ZNF503: variants seen among roughly 807,000 people sequenced by gnomAD.
ZNF503 encodes the protein NocA-like zinc finger 2.
ZNF503 carries 15 observed loss-of-function variants against 34.4 expected under a neutral mutation model. The ratio of observed to expected loss-of-function variants is 0.44; its 90% CI spans 0.29 to 0.67. ZNF503 has a LOEUF of 0.67. ZNF503 is among the 30% of genes least tolerant of loss of function. The pLI, the probability that ZNF503 is intolerant of heterozygous loss-of-function variation, is 0.13. For synonymous variants in ZNF503, 580 were observed against 456.8 expected (o/e 1.27, Z -3.44); for missense variants, 1,007 against 926.8 (o/e 1.09, Z -1.12).
At chr10:75,345,827 G>A in the ZNF503 span, among the ~76,000 whole-genome samples, 7 of 152,196 alleles carry the variant, frequency 4.6e-5, no homozygotes, top group African/African-American at 9.6e-5. Flanking sequence ...CAGGCATTCC[G>A]TGCTGTGGGA....
chr10:75,371,519 C>A, the ZNF503 span, among the ~76,000 whole-genome samples: 2 of 152,176 alleles, frequency 1.3e-5, no homozygotes, highest in African/African-American at 4.8e-5. Flanking sequence ...ATACGGCCTA[C>A]CATGGCTGCT....
At position 75,400,223 on chromosome 10, in the gene ZNF503, T is replaced by A; in HGVS notation, c.467A>T (p.Asp156Val). 1 of 1,608,288 alleles carries A rather than the reference T, an allele frequency of 6.2e-7. No individual in the cohort carries two copies. Among genetic ancestry groups the A allele is most frequent in the Non-Finnish European group, 8.5e-7 (1 of 1,178,258 alleles). The change falls in exon 2 of 2, where the codon GAC (aspartate) becomes GTC (valine). Residue 156 changes from aspartate to valine, a missense_variant. Coordinates refer to ENST00000372524, the MANE Select transcript of ZNF503 (RefSeq NM_032772.6). ...GAGGGAAGDKDTKSGPLKLSD... is the reference protein window; with the variant it reads ...GAGGGAAGDKVTKSGPLKLSD... ...CAGCTTCAGGGGGCCCGATTTGGTG[T>A]CCTTGTCGCCCGCAGCACCGCCGCC...
the ZNF503 span, among the ~76,000 whole-genome samples, chr10:75,316,775 A>T: frequency 2.0e-5 from 3 of 152,228 alleles, no homozygotes; most frequent in Admixed American, 2.0e-4. Flanking sequence ...AAAAATTCAC[A>T]AAGATGTGGA....
At chr10:75,314,236 C>CAAAAAAAAAAA in the ZNF503 span, among the ~76,000 whole-genome samples, 1 of 89,810 alleles carries the variant, frequency 1.1e-5, no homozygotes, top group Non-Finnish European at 2.2e-5. Context: ...GACTCCGTCT[C>CAAAAAAAAAAA]AAAAAAAAAA....
the ZNF503 span, among the ~76,000 whole-genome samples, chr10:75,284,418 G>C: frequency 6.6e-6 from 1 of 151,848 alleles, no homozygotes; most frequent in African/African-American, 2.4e-5. Flanking sequence ...GAGTGGGGAA[G>C]GGTACTGGGT....
the ZNF503 span, among the ~76,000 whole-genome samples, chr10:75,369,057 G>A: frequency 1.3e-5 from 2 of 152,172 alleles, no homozygotes; most frequent in South Asian, 2.1e-4. Context: ...GACTTTACAC[G>A]CTGTTAGGAA....
At chr10:75,332,877 TTC>T in the ZNF503 span, among the ~76,000 whole-genome samples, 3 of 140,644 alleles carry the variant, frequency 2.1e-5, no homozygotes, top group Non-Finnish European at 4.7e-5. Context: ...GTCTACTTCT[TTC>T]TACACAGACA....
the ZNF503 span, among the ~76,000 whole-genome samples, chr10:75,284,978 G>A: frequency 6.6e-6 from 1 of 152,186 alleles, no homozygotes; most frequent in Admixed American, 6.5e-5. Flanking sequence ...CACTGACCAA[G>A]ATGGACAAGG....
the ZNF503 span, among the ~76,000 whole-genome samples, chr10:75,379,582 CGGACT>C: frequency 6.6e-6 from 1 of 152,182 alleles, no homozygotes; most frequent in Non-Finnish European, 1.5e-5. Flanking sequence ...CTGCCCAGCA[CGGACT>C]GTTCTTGGCT....
the ZNF503 span, among the ~76,000 whole-genome samples, chr10:75,383,755 C>T: frequency 6.6e-6 from 1 of 152,224 alleles, no homozygotes; most frequent in Non-Finnish European, 1.5e-5. Flanking sequence ...CCTGAATGAG[C>T]CAGCCCTGTG....
chr10:75,284,679 T>G, the ZNF503 span, among the ~76,000 whole-genome samples: 3 of 152,256 alleles, frequency 2.0e-5, no homozygotes, highest in South Asian at 2.1e-4. Context: ...ACCTTCAAGC[T>G]GATGGTCTCA....
At chr10:75,396,013 G>A (rs2131983926), downstream of ZNF503, among the ~76,000 whole-genome samples, 1 of 152,248 alleles carries the variant, frequency 6.6e-6, no homozygotes, top group Admixed American at 6.5e-5. The surrounding 1 kb of genome is among the most constrained non-coding windows in gnomAD (Gnocchi z 4.4). Flanking sequence ...CCTGTGGGTC[G>A]CAGTGGCCAG....
the ZNF503 span, among the ~76,000 whole-genome samples, chr10:75,313,558 A>G: frequency 5.8e-4 from 88 of 152,316 alleles, no homozygotes; most frequent in African/African-American, 2.0e-3. Flanking sequence ...GAGGCTAGGA[A>G]TAGGAAGGAG....
chr10:75,290,539 A>C, the ZNF503 span, among the ~76,000 whole-genome samples: 2 of 152,224 alleles, frequency 1.3e-5, no homozygotes, highest in African/African-American at 4.8e-5. Context: ...TATTGGTGGA[A>C]GCAGTCACAA....
the ZNF503 span, among the ~76,000 whole-genome samples, chr10:75,322,418 G>A: frequency 2.4e-4 from 37 of 152,050 alleles, no homozygotes; most frequent in Middle Eastern, 6.8e-3. Flanking sequence ...CACCACGCCC[G>A]GCCCACTGCC....
At chr10:75,329,110 T>C in the ZNF503 span, among the ~76,000 whole-genome samples, 4 of 152,202 alleles carry the variant, frequency 2.6e-5, no homozygotes, top group African/African-American at 9.7e-5. Context: ...TAAAAGATCA[T>C]AGAGATCTTT....
chr10:75,367,361 G>A, the ZNF503 span, among the ~76,000 whole-genome samples: 1 of 152,162 alleles, frequency 6.6e-6, no homozygotes, highest in Admixed American at 6.5e-5. Flanking sequence ...GAAATTAATT[G>A]CAACTAATTA....
chr10:75,346,822 T>TG, the ZNF503 span, among the ~76,000 whole-genome samples: 1 of 135,772 alleles, frequency 7.4e-6, no homozygotes, highest in African/African-American at 2.6e-5. Flanking sequence ...TTTTTTTTTT[T>TG]GTAGACACAG....
the ZNF503 span, among the ~76,000 whole-genome samples, chr10:75,343,975 C>A: frequency 6.6e-6 from 1 of 152,244 alleles, no homozygotes. Flanking sequence ...CTGGTGGTGG[C>A]AGGTCTGATT....
Sources: gnomAD v4.1 joint callset for allele counts (sites outside exome capture counted in the v4.1 genomes callset) on GRCh38, gnomAD v4.1.1 for gene constraint, Gnocchi (gnomAD v3.1) non-coding constraint, MANE v1.5 for transcripts, NCBI Gene and HGNC (gene_info 2026-07-23, HGNC 2026-07-21) for gene names.